BLTP1: variants seen among roughly 807,000 people sequenced by gnomAD.
The protein encoded by BLTP1 is bridge-like lipid transfer protein family member 1, also known as fragile site-associated protein.
the BLTP1 span, chr4:122,186,977 G>A: frequency 1.0e-6 from 1 of 981,496 alleles, no homozygotes; most frequent in South Asian, 4.7e-5. Context: ...AGGCATTTGG[G>A]TGAGGGAAGG....
chr4:122,264,504 C>G, the BLTP1 span: 1 of 1,317,408 alleles, frequency 7.6e-7, no homozygotes, highest in African/African-American at 1.5e-5. Context: ...TCCAATAGTA[C>G]GCACCTTGGA....
chr4:122,239,710 G>C, the BLTP1 span: 1 of 1,614,170 alleles, frequency 6.2e-7, no homozygotes, highest in Non-Finnish European at 8.5e-7. Context: ...CAGTTTAGTA[G>C]TGATGTCTCT....
the BLTP1 span, chr4:122,175,259 G>A: frequency 1.0e-6 from 1 of 984,984 alleles, no homozygotes; most frequent in South Asian, 4.7e-5. Flanking sequence ...AACTAGAGGA[G>A]ACAACTTCTA....
chr4:122,345,000 T>A, the BLTP1 span: 1 of 984,920 alleles, frequency 1.0e-6, no homozygotes, highest in Non-Finnish European at 1.2e-6. Context: ...GGGCAAGTCA[T>A]TTCCTTTACA....
chr4:122,212,807 G>C, the BLTP1 span, among the ~76,000 whole-genome samples: 1 of 152,016 alleles, frequency 6.6e-6, no homozygotes. Context: ...CAACTTTTTG[G>C]TAGTTTCAAA....
the BLTP1 span, chr4:122,249,469 T>C: frequency 1.9e-6 from 3 of 1,607,540 alleles, no homozygotes; most frequent in East Asian, 4.5e-5. Context: ...GTCATTTTGC[T>C]CTCTTTTGAT....
At chr4:122,343,756 T>G in the BLTP1 span, 1 of 901,954 alleles carries the variant, frequency 1.1e-6, no homozygotes, top group Non-Finnish European at 1.6e-6. Flanking sequence ...CATATTTACG[T>G]AATAAGTAGA....
chr4:122,166,959 A>G, the BLTP1 span, among the ~76,000 whole-genome samples: 2 of 152,108 alleles, frequency 1.3e-5, no homozygotes, highest in African/African-American at 4.8e-5. Context: ...ACATGTTCAT[A>G]TCATTCTTTG....
the BLTP1 span, chr4:122,174,683 A>G: frequency 7.2e-7 from 1 of 1,384,402 alleles, no homozygotes. Flanking sequence ...AAAAGGACCC[A>G]TGTTAAACAT....
At chr4:122,247,773 A>T in the BLTP1 span, 1 of 1,002,220 alleles carries the variant, frequency 1.0e-6, no homozygotes, top group East Asian at 9.8e-5. Context: ...AGTCTGTAAA[A>T]TACAGCAGCA....
chr4:122,306,479 G>T, the BLTP1 span: 2 of 706,312 alleles, frequency 2.8e-6, no homozygotes, highest in African/African-American at 1.9e-5. Context: ...CTACACAGTG[G>T]AGTCAGAGAT....
the BLTP1 span, chr4:122,190,162 T>A: frequency 6.5e-7 from 1 of 1,545,338 alleles, no homozygotes; most frequent in Non-Finnish European, 8.8e-7. Context: ...AGTGGCGTAA[T>A]CATAGTCCAC....
At chr4:122,163,884 T>C in the BLTP1 span, among the ~76,000 whole-genome samples, 6 of 152,228 alleles carry the variant, frequency 3.9e-5, no homozygotes, top group Non-Finnish European at 8.8e-5. Flanking sequence ...TGTTCCATAA[T>C]AACTGCCTTC....
chr4:122,289,440 A>G, the BLTP1 span: 2 of 954,360 alleles, frequency 2.1e-6, no homozygotes, highest in Admixed American at 6.2e-5. Context: ...TTCACCCTGA[A>G]AAAAGAAAAG....
chr4:122,326,035 A>G, the BLTP1 span: 1 of 279,610 alleles, frequency 3.6e-6, no homozygotes, highest in African/African-American at 2.2e-5. Context: ...AATATTTTAC[A>G]TAATGGTTTA....
chr4:122,326,135 A>G, the BLTP1 span, among the ~76,000 whole-genome samples: 1 of 151,656 alleles, frequency 6.6e-6, no homozygotes, highest in Non-Finnish European at 1.5e-5. Flanking sequence ...AAATCAGCTA[A>G]TCAAATCAAT....
the BLTP1 span, chr4:122,238,050 T>C: frequency 6.3e-7 from 1 of 1,587,172 alleles, no homozygotes; most frequent in Middle Eastern, 1.7e-4. Context: ...AAACTGCTGT[T>C]GAGATTTGTG....
At chr4:122,239,776 T>A in the BLTP1 span, 1 of 1,614,020 alleles carries the variant, frequency 6.2e-7, no homozygotes, top group African/African-American at 1.3e-5. Flanking sequence ...TTTGGTTCAT[T>A]CCCATATACA....
At chr4:122,180,987 G>T in the BLTP1 span, among the ~76,000 whole-genome samples, 1 of 152,184 alleles carries the variant, frequency 6.6e-6, no homozygotes, top group Non-Finnish European at 1.5e-5. Flanking sequence ...AGAATTTCTT[G>T]TGGTTAAGAA....
Sources: gnomAD v4.1 joint callset for allele counts (sites outside exome capture counted in the v4.1 genomes callset) on GRCh38, gnomAD v4.1.1 for gene constraint, MANE v1.5 for transcripts, NCBI Gene and HGNC (gene_info 2026-07-23, HGNC 2026-07-21) for gene names.